GALNT13: variants seen among roughly 807,000 people sequenced by gnomAD.
GALNT13 encodes the protein polypeptide N-acetylgalactosaminyltransferase 13, also known as UDP-GalNAc:polypeptide N-acetylgalactosaminyltransferase 13.
In GALNT13, 28 loss-of-function variants were observed where a neutral mutation model predicts 64.2. The ratio of observed to expected loss-of-function variants is 0.44; its 90% CI spans 0.32 to 0.60. The LOEUF is 0.60. GALNT13 is among the 20% of genes least tolerant of loss of function. The pLI is 0.05. For missense variants in GALNT13, 577 were observed against 669.8 expected (o/e 0.86, Z 1.53); for synonymous variants, 214 against 224.6 (o/e 0.95, Z 0.42).
the GALNT13 span, among the ~76,000 whole-genome samples, chr2:153,523,043 ATTTTTT>A: frequency 3.6e-5 from 3 of 83,402 alleles, no homozygotes; most frequent in African/African-American, 9.8e-5. Flanking sequence ...TGTGTTTACT[ATTTTTT>A]TTTTTTTTTT....
chr2:154,230,841 T>C (rs1349577724), intron 4 of GALNT13, among the ~76,000 whole-genome samples: 1 of 152,142 alleles, frequency 6.6e-6, no homozygotes, highest in Non-Finnish European at 1.5e-5. Flanking sequence ...CTTTTGTTAC[T>C]GCTTTCTCTG....
chr2:153,407,341 C>G, the GALNT13 span, among the ~76,000 whole-genome samples: 11 of 152,146 alleles, frequency 7.2e-5, no homozygotes, highest in African/African-American at 2.2e-4. Context: ...GCATTAGTGA[C>G]ATAAAAATAA....
the GALNT13 span, among the ~76,000 whole-genome samples, chr2:153,131,343 G>A: frequency 3.3e-5 from 5 of 152,098 alleles, no homozygotes; most frequent in African/African-American, 1.2e-4. Flanking sequence ...GTACCTAACG[G>A]AAGCTCAACA....
At chr2:153,629,784 C>T in the GALNT13 span, among the ~76,000 whole-genome samples, 1 of 147,500 alleles carries the variant, frequency 6.8e-6, no homozygotes, top group South Asian at 2.2e-4. Context: ...CTACAATGAA[C>T]TCAAACAGAT....
the GALNT13 span, among the ~76,000 whole-genome samples, chr2:153,257,318 C>G: frequency 6.6e-6 from 1 of 152,156 alleles, no homozygotes; most frequent in Admixed American, 6.5e-5. Context: ...GGCTCGTGCA[C>G]GGTGCGCGCA....
chr2:153,664,763 C>T, the GALNT13 span, among the ~76,000 whole-genome samples: 1 of 152,118 alleles, frequency 6.6e-6, no homozygotes, highest in African/African-American at 2.4e-5. Flanking sequence ...CGGCTTCAGC[C>T]AGTCCCTCTG....
the GALNT13 span, among the ~76,000 whole-genome samples, chr2:153,356,786 CCTCTTTTTTTTTTTTT>C: frequency 6.1e-5 from 2 of 32,828 alleles, no homozygotes; most frequent in South Asian, 2.1e-3. Flanking sequence ...TTTTCTTCTT[CCTCTTTTTTTTTTTTT>C]TTTTTTTTTT....
chr2:153,870,336 T>C (rs535668390), upstream of GALNT13, among the ~76,000 whole-genome samples: 2 of 152,210 alleles, frequency 1.3e-5, no homozygotes, highest in South Asian at 4.2e-4. Context: ...TTTTAAGAGA[T>C]GAAACATGTA....
the GALNT13 span, among the ~76,000 whole-genome samples, chr2:153,223,491 C>T: frequency 6.6e-6 from 1 of 151,978 alleles, no homozygotes; most frequent in Non-Finnish European, 1.5e-5. Context: ...GTTATGATAC[C>T]ACAATGCAAT....
At chr2:153,711,944 T>C in the GALNT13 span, among the ~76,000 whole-genome samples, 1 of 152,176 alleles carries the variant, frequency 6.6e-6, no homozygotes, top group Non-Finnish European at 1.5e-5. Flanking sequence ...AAACAAGTGA[T>C]AATCAAAGCA....
chr2:153,284,769 C>T, the GALNT13 span, among the ~76,000 whole-genome samples: 2 of 152,012 alleles, frequency 1.3e-5, no homozygotes, highest in South Asian at 2.1e-4. Context: ...TGGTGTCCTT[C>T]GTGAGTCCAT....
the GALNT13 span, among the ~76,000 whole-genome samples, chr2:153,800,045 G>GCTCTCTCTCTCTCTCTCTATCTCT: frequency 8.4e-6 from 1 of 118,930 alleles, no homozygotes; most frequent in Non-Finnish European, 1.8e-5. Flanking sequence ...CATTTAGTTT[G>GCTCTCTCTCTCTCTCTCTATCTCT]CTCTCTCTCT....
intron 3 of GALNT13, among the ~76,000 whole-genome samples, chr2:154,068,036 T>A (rs1318596390): frequency 6.6e-6 from 1 of 151,930 alleles, no homozygotes; most frequent in Non-Finnish European, 1.5e-5. Context: ...ATAATCCATT[T>A]AAAAAATGGG....
At chr2:153,923,934 C>G (rs887690779) in intron 2 of GALNT13, among the ~76,000 whole-genome samples, 4 of 152,040 alleles carry the variant, frequency 2.6e-5, no homozygotes, top group African/African-American at 9.7e-5. Context: ...TTAATCCAGC[C>G]TATCATTGAT....
At chr2:154,324,180 AT>A (rs551662340) in intron 9 of GALNT13, among the ~76,000 whole-genome samples, 5 of 149,614 alleles carry the variant, frequency 3.3e-5, no homozygotes, top group South Asian at 2.1e-4. Context: ...GTTGAAATTG[AT>A]TTTTTTTTGT....
intron 11 of GALNT13, among the ~76,000 whole-genome samples, chr2:154,420,886 T>C (rs1251339655): frequency 6.6e-6 from 1 of 152,102 alleles, no homozygotes; most frequent in East Asian, 1.9e-4. Flanking sequence ...GAATCCATAC[T>C]TATGATTAGT....
chr2:153,490,489 C>T, the GALNT13 span, among the ~76,000 whole-genome samples: 15 of 152,110 alleles, frequency 9.9e-5, no homozygotes, highest in African/African-American at 3.6e-4. Flanking sequence ...AAGTGATTCT[C>T]ATGTCTCAGC....
At chr2:153,174,101 A>G in the GALNT13 span, among the ~76,000 whole-genome samples, 3 of 152,188 alleles carry the variant, frequency 2.0e-5, no homozygotes, top group African/African-American at 4.8e-5. Flanking sequence ...ACCCCAGGTG[A>G]CAGCACTGCC....
At chr2:153,755,975 C>T in the GALNT13 span, among the ~76,000 whole-genome samples, 2 of 152,110 alleles carry the variant, frequency 1.3e-5, no homozygotes, top group Non-Finnish European at 2.9e-5. Context: ...TTCTCCGCAA[C>T]ATTTTCAACA....
Sources: allele counts gnomAD v4.1 joint callset (sites outside exome capture counted in the v4.1 genomes callset), GRCh38; gene constraint gnomAD v4.1.1; transcripts MANE v1.5; gene names NCBI Gene and HGNC (gene_info 2026-07-23, HGNC 2026-07-21).